The following ERBB4 variants were observed in gnomAD, a reference collection of about 807,000 sequenced individuals.
ERBB4 encodes the protein erb-b2 receptor tyrosine kinase 4, also known as receptor tyrosine-protein kinase erbB-4.
A neutral mutation model predicts 158.0 loss-of-function variants in ERBB4; 42 were observed. That is an observed-to-expected ratio of 0.27 (90% CI 0.21 to 0.34). The LOEUF is 0.34. ERBB4 is among the 10% of genes least tolerant of loss of function. ERBB4 has a pLI of 1.00. For missense variants in ERBB4, 1,333 were observed against 1,624.1 expected, an observed-to-expected ratio of 0.82 and a Z score of 3.08; for synonymous variants, 583 against 558.7, an observed-to-expected ratio of 1.04 and a Z score of -0.61.
At chr2:211,739,060 T>C (rs1043996246) in intron 5 of ERBB4, among the ~76,000 whole-genome samples, 2 of 152,192 alleles carry the variant, frequency 1.3e-5, no homozygotes, top group Admixed American at 6.5e-5. Flanking sequence ...ATATCACATG[T>C]TTTTAAATTT....
intron 2 of ERBB4, among the ~76,000 whole-genome samples, chr2:212,002,575 G>A (rs1473283294): frequency 6.6e-6 from 1 of 151,984 alleles, no homozygotes; most frequent in African/African-American, 2.4e-5. Flanking sequence ...CGTTTTGAAG[G>A]AAAAGCAACC....
chr2:211,726,032 A>T (rs2074253999), intron 5 of ERBB4, among the ~76,000 whole-genome samples: 1 of 152,186 alleles, frequency 6.6e-6, no homozygotes, highest in African/African-American at 2.4e-5. Context: ...AAGAGACACA[A>T]TTCTGCTTAT....
intron 1 of ERBB4, among the ~76,000 whole-genome samples, chr2:212,152,307 C>T (rs1480449638): frequency 2.0e-5 from 3 of 152,068 alleles, no homozygotes. Context: ...TCCAGAATTA[C>T]TGTGATAATT....
intron 3 of ERBB4, among the ~76,000 whole-genome samples, chr2:211,941,224 A>G (rs972710365): frequency 6.6e-6 from 1 of 151,640 alleles, no homozygotes; most frequent in Non-Finnish European, 1.5e-5. Flanking sequence ...TCATTTTCCA[A>G]GTAATTTACC....
At chr2:212,319,198 T>G (rs545398264) in intron 1 of ERBB4, among the ~76,000 whole-genome samples, 2 of 151,618 alleles carry the variant, frequency 1.3e-5, no homozygotes, top group African/African-American at 4.8e-5. Flanking sequence ...GTTTTTACTT[T>G]TATGTAGACA....
intron 25 of ERBB4, among the ~76,000 whole-genome samples, chr2:211,400,022 A>T (rs1218513935): frequency 1.3e-5 from 2 of 152,170 alleles, no homozygotes; most frequent in African/African-American, 4.8e-5. Flanking sequence ...GCTAAATGCT[A>T]CAGAAAATCA....
rs187501693 is a variant in ERBB4 at position 211,955,207 on chromosome 2, G to T, written c.235-7591C>A. Among the ~76,000 whole-genome samples the T allele has an allele frequency of 4.8e-3, 736 of 152,088 alleles. 13 individuals are homozygous for T. Among genetic ancestry groups the T allele is most frequent in the Non-Finnish European group, 7.5e-3 (511 of 67,964 alleles). ...TCAGCCATTTCCAGCTAGTCTCTTG[G>T]GTGCTAGTGTTGCTATGAGTTCTAC... On this transcript the variant is annotated intron_variant, in intron 2 of 27. Coordinates refer to ENST00000342788, the MANE Select transcript of ERBB4 (RefSeq NM_005235.3).
intron 1 of ERBB4, among the ~76,000 whole-genome samples, chr2:212,365,875 T>C (rs938316571): frequency 6.6e-6 from 1 of 151,898 alleles, no homozygotes; most frequent in African/African-American, 2.4e-5. Context: ...GAAAACTGTC[T>C]TTAGTATTCA....
At chr2:212,237,098 C>T (rs1268510924) in intron 1 of ERBB4, among the ~76,000 whole-genome samples, 2 of 152,006 alleles carry the variant, frequency 1.3e-5, no homozygotes, top group Non-Finnish European at 2.9e-5. Context: ...TTTCTCCTGT[C>T]GGCATTTAGT....
At chr2:212,278,363 A>G (rs1322322104) in intron 1 of ERBB4, among the ~76,000 whole-genome samples, 1 of 151,742 alleles carries the variant, frequency 6.6e-6, no homozygotes, top group Non-Finnish European at 1.5e-5. Context: ...ACTTTATCAA[A>G]CATAATTGAA....
intron 2 of ERBB4, among the ~76,000 whole-genome samples, chr2:212,052,396 T>C (rs1043232709): frequency 6.6e-6 from 1 of 152,176 alleles, no homozygotes; most frequent in Non-Finnish European, 1.5e-5. Flanking sequence ...AGATAGCCTA[T>C]TGTGGGACTT....
At chr2:211,390,127 T>A (rs1222433627) in intron 25 of ERBB4, among the ~76,000 whole-genome samples, 2 of 152,220 alleles carry the variant, frequency 1.3e-5, no homozygotes, top group Non-Finnish European at 2.9e-5. Flanking sequence ...CTGGTGGAAC[T>A]TTACCAAATT....
chr2:211,609,648 T>C (rs970722973), intron 19 of ERBB4, among the ~76,000 whole-genome samples: 2 of 152,200 alleles, frequency 1.3e-5, no homozygotes, highest in African/African-American at 2.4e-5. Flanking sequence ...ACTCAAGTGA[T>C]CTTCTCACCT....
chr2:212,076,738 G>A (rs532629598), intron 2 of ERBB4, among the ~76,000 whole-genome samples: 4 of 151,930 alleles, frequency 2.6e-5, no homozygotes, highest in South Asian at 4.2e-4. Flanking sequence ...AAAAGCCACC[G>A]ACACAAAACT....
chr2:211,379,980 A>T lies in ERBB4; in HGVS notation c.*3635T>A, dbSNP rs1479279617. 1 of 232,182 alleles carries T rather than the reference A, an allele frequency of 4.3e-6. No individual in the cohort carries two copies. The highest frequency in any genetic ancestry group is 8.5e-6 in the Non-Finnish European group (1 of 117,432). The allele number at this position is 232,182 out of a possible 1,614,324, so 14.4% of individuals were successfully genotyped here. ...TTTCCTTAGCATTGTAAGTATGCAC[A>T]ATCTTCATGCCATGTCTTTCCTTTA... On this transcript the variant is annotated 3_prime_UTR_variant, in exon 28 of 28. Transcript: ENST00000342788.
At chr2:212,144,056 A>ACTAGTAAACTAGAAATAGATTTCT in intron 1 of ERBB4, among the ~76,000 whole-genome samples, 1 of 152,190 alleles carries the variant, frequency 6.6e-6, no homozygotes, top group South Asian at 2.1e-4. Flanking sequence ...AGATCTATGA[A>ACTAGTAAACTAGAAATAGATTTCT]AGTAAACTAG....
In ERBB4 at chr2:211,476,728, G is replaced by GT. The variant is rs528977981; in HGVS notation, c.2488-45629dup. ...GTTAAATGATAGACACTATAAACTTGTTTTGCAAAATACAAAACAAAAGAA... is the reference window on the plus strand; with the variant it reads ...GTTAAATGATAGACACTATAAACTTGTTTTTGCAAAATACAAAACAAAAGAA... On this transcript the variant is annotated intron_variant, in intron 20 of 27. Transcript: ENST00000342788. Among the ~76,000 whole-genome samples the GT allele has an allele frequency of 2.4e-3, 361 of 152,100 alleles. 2 individuals are homozygous for GT. Among genetic ancestry groups the GT allele is most frequent in the African/African-American group, 7.8e-3 (325 of 41,526 alleles).
At chr2:212,338,550 T>C (rs979498016) in intron 1 of ERBB4, among the ~76,000 whole-genome samples, 1 of 152,164 alleles carries the variant, frequency 6.6e-6, no homozygotes, top group Non-Finnish European at 1.5e-5. Context: ...TTTCTCTTAA[T>C]GTCATCACAT....
chr2:212,076,332 G>C (rs994496776), intron 2 of ERBB4, among the ~76,000 whole-genome samples: 13 of 151,878 alleles, frequency 8.6e-5, no homozygotes, highest in Non-Finnish European at 1.5e-4. Context: ...TAGATCATGA[G>C]AGAGATAAAT....
Sources: allele counts gnomAD v4.1 joint callset (sites outside exome capture counted in the v4.1 genomes callset), GRCh38; gene constraint gnomAD v4.1.1; transcripts MANE v1.5; gene names NCBI Gene and HGNC (gene_info 2026-07-23, HGNC 2026-07-21).